GSE1: variants seen among roughly 807,000 people sequenced by gnomAD.
GSE1 encodes the protein genetic suppressor element 1.
A neutral mutation model predicts 112.6 loss-of-function variants in GSE1; 32 were observed. The observed-to-expected ratio is 0.28, with a 90% CI of 0.21 to 0.38. GSE1 has a LOEUF of 0.38. GSE1 is among the 10% of genes least tolerant of loss of function. The pLI, the probability that GSE1 is intolerant of heterozygous loss-of-function variation, is 1.00. For synonymous variants in GSE1, 1,115 were observed against 735.6 expected (o/e 1.52, Z -8.35); for missense variants, 2,348 against 1,699.2 (o/e 1.38, Z -6.71).
chr16:85,555,925 GC>G, upstream of GSE1: 1 of 951,376 alleles, frequency 1.1e-6, no homozygotes, highest in South Asian at 4.9e-5. Context: ...CCTCTTCCCC[GC>G]CTGCTTCCCT....
At chr16:85,190,633 C>T (rs1003141424) in intron 1 of GSE1, among the ~76,000 whole-genome samples, 6 of 152,278 alleles carry the variant, frequency 3.9e-5, no homozygotes, top group South Asian at 2.1e-4. Context: ...CCCACCAATA[C>T]GGAGGACTTG....
intron 3 of GSE1, among the ~76,000 whole-genome samples, chr16:85,651,527 G>A (rs2051355362): frequency 2.0e-5 from 3 of 152,198 alleles, no homozygotes; most frequent in African/African-American, 7.2e-5. Context: ...TCTGGGCTGG[G>A]GACAGGCCCC....
At chr16:85,305,773 G>A (rs1471245097) in intron 1 of GSE1, among the ~76,000 whole-genome samples, 1 of 151,990 alleles carries the variant, frequency 6.6e-6, no homozygotes, top group Non-Finnish European at 1.5e-5. Flanking sequence ...ACTGCACTCC[G>A]CCCAGCATCA....
chr16:85,255,239 G>C (rs377078978), intron 1 of GSE1, among the ~76,000 whole-genome samples: 1 of 152,236 alleles, frequency 6.6e-6, no homozygotes, highest in African/African-American at 2.4e-5. Context: ...GACTCCTGCT[G>C]CCTGGGAGAC....
At chr16:85,344,304 G>T (rs2046687012) in intron 1 of GSE1, among the ~76,000 whole-genome samples, 1 of 152,134 alleles carries the variant, frequency 6.6e-6, no homozygotes, top group Admixed American at 6.5e-5. Flanking sequence ...GATGGGAGGG[G>T]ACTCCTAGGC....
chr16:85,494,856 G>A (rs1002669621), intron 2 of GSE1, among the ~76,000 whole-genome samples: 7 of 152,236 alleles, frequency 4.6e-5, no homozygotes, highest in African/African-American at 9.6e-5. Context: ...CCAGAAGGGC[G>A]AGGTGCCTCT....
At chr16:85,488,882 AC>A (rs1330036684) in intron 2 of GSE1, among the ~76,000 whole-genome samples, 3 of 149,016 alleles carry the variant, frequency 2.0e-5, no homozygotes, top group Non-Finnish European at 3.0e-5. Flanking sequence ...ACAGCAGAAG[AC>A]CCCCCCATTC....
rs117684828 is a variant in GSE1 at position 85,520,879 on chromosome 16, C to T, written c.2465-113035C>T. On this transcript the variant is annotated intron_variant, in intron 2 of 2. Coordinates refer to the GSE1 transcript ENST00000637419. ...GAGAAACAGGGCAGCGTCCTAAGTA[C>T]AGGACCAAGGACCAAGTGGGCCTGG... Among the ~76,000 whole-genome samples the T allele has an allele frequency of 2.8e-4, 43 of 152,278 alleles. No homozygotes were observed. In the East Asian group the frequency reaches 7.3e-3, roughly 26 times the overall value.
chr16:85,336,922 A>G (rs2326527), intron 1 of GSE1, among the ~76,000 whole-genome samples: 135,246 of 152,302 alleles, frequency 0.89, 60,203 homozygotes, highest in East Asian at 1. Flanking sequence ...GCATGCCCAC[A>G]CAAATGCACA....
In GSE1 at chr16:85,250,882, C is replaced by CCTGTT. The variant is rs145272438; in HGVS notation, c.2283+79079_2283+79083dup. On this transcript the variant is annotated intron_variant, in intron 1 of 2. Transcript: ENST00000637419. ...TCTACTTCTTGTCTCCAGGCATTGG[C>CCTGTT]CTGTTCTGGACATTTCATCTGTGTG... is the stretch of plus-strand genomic sequence containing the variant. 5.5e-3 allele frequency among the ~76,000 whole-genome samples: 822 copies of CCTGTT among 148,810 alleles called. 10 individuals are homozygous for CCTGTT. Among genetic ancestry groups the CCTGTT allele is most frequent in the African/African-American group, 0.019 (757 of 40,490 alleles).
chr16:85,661,468 C>T lies in GSE1; in HGVS notation c.1963C>T (p.Pro655Ser), dbSNP rs776387722. Residue 655 changes from proline to serine, a missense_variant, in exon 9 of 16, where the codon CCA (proline) becomes TCA (serine). By Grantham distance (74) the Pro-to-Ser change is moderately conservative. Transcript: ENST00000253458. ...GGACAAGTACCAGCCACCTCCGCCG[C>T]CACCACGAGAGGGAGGGAGCCTGGA... ...PLDKYQPPPP[P>S]PREGGSLEHQ... 1 of 1,611,742 alleles carries T rather than the reference C, an allele frequency of 6.2e-7. No homozygotes were observed. The highest frequency in any genetic ancestry group is 8.5e-7 in the Non-Finnish European group (1 of 1,179,434).
intron 1 of GSE1, among the ~76,000 whole-genome samples, chr16:85,214,850 G>A (rs4493032): frequency 0.42 from 63,905 of 151,646 alleles, 13,788 homozygotes; most frequent in African/African-American, 0.52. Flanking sequence ...GTGGGTGGGG[G>A]TGGGGCAGGA....
chr16:85,656,928 A>AT (rs2052009794), intron 7 of GSE1, among the ~76,000 whole-genome samples: 1 of 152,200 alleles, frequency 6.6e-6, no homozygotes, highest in Non-Finnish European at 1.5e-5. Context: ...TGCTTCGTTG[A>AT]TTTTATTTCT....
chr16:85,356,797 C>A (rs980752602), intron 1 of GSE1, among the ~76,000 whole-genome samples: 1 of 152,182 alleles, frequency 6.6e-6, no homozygotes, highest in African/African-American at 2.4e-5. Context: ...TGGCCTGTAT[C>A]CATTTTGTCA....
intron 1 of GSE1, among the ~76,000 whole-genome samples, chr16:85,591,058 T>C (rs2046983506): frequency 1.3e-5 from 2 of 152,296 alleles, no homozygotes; most frequent in South Asian, 4.1e-4. Context: ...TGCCCTTTCC[T>C]CCTTACTCTT....
At chr16:85,607,973 G>T (rs1310334644), upstream of GSE1, among the ~76,000 whole-genome samples, 1 of 152,148 alleles carries the variant, frequency 6.6e-6, no homozygotes, top group South Asian at 2.1e-4. Flanking sequence ...CGTAAGGGGA[G>T]GGGCCTGGGG....
chr16:85,591,537 G>C (rs1434907822), intron 1 of GSE1, among the ~76,000 whole-genome samples: 1 of 152,206 alleles, frequency 6.6e-6, no homozygotes, highest in East Asian at 1.9e-4. Flanking sequence ...AGCGGTGCTG[G>C]GGAGGGGTCC....
chr16:85,212,415 A>G (rs1054874965), intron 1 of GSE1, among the ~76,000 whole-genome samples: 1 of 151,990 alleles, frequency 6.6e-6, no homozygotes, highest in African/African-American at 2.4e-5. Context: ...CAAAAAAAAC[A>G]AAACAAAAAA....
Position 85,331,363 on chromosome 16 carries a change from G to GTATATATATGTATATATA in GSE1, c.2284-26099_2284-26098insATATATATGTATATATAT, listed in dbSNP as rs1396264079. ...TGTGTGTGTGTGTGTGTGTGTGTGT[G>GTATATATATGTATATATA]TGTATATATGTATATATATGTATAT... is the stretch of plus-strand genomic sequence containing the variant. On this transcript the variant is annotated intron_variant, in intron 1 of 2. Coordinates refer to the GSE1 transcript ENST00000637419. 1.5e-3 allele frequency among the ~76,000 whole-genome samples: 67 copies of GTATATATATGTATATATA among 45,444 alleles called. 9 individuals are homozygous for GTATATATATGTATATATA. Among genetic ancestry groups the GTATATATATGTATATATA allele is most frequent in the Admixed American group, 6.8e-3 (26 of 3,820 alleles). 29.8% of individuals were successfully genotyped at this position (45,444 alleles called of 152,430 possible). A position where few individuals can be genotyped will look rare whatever the true frequency, so the allele number is the denominator to read the frequency against.
Sources: allele counts gnomAD v4.1 joint callset (sites outside exome capture counted in the v4.1 genomes callset), GRCh38; gene constraint gnomAD v4.1.1; transcripts MANE v1.5; gene names NCBI Gene and HGNC (gene_info 2026-07-23, HGNC 2026-07-21).